The following PDE4D variants were observed in gnomAD, a reference collection of about 807,000 sequenced individuals.
PDE4D encodes 3',5'-cyclic-AMP phosphodiesterase 4D.
In PDE4D, 24 loss-of-function variants were observed where a neutral mutation model predicts 87.4. The ratio of observed to expected loss-of-function variants is 0.27; its 90% CI spans 0.20 to 0.39. The LOEUF (loss-of-function observed/expected upper bound fraction) is 0.39, where lower values mean the gene tolerates loss of function less well. Among genes scored for constraint, PDE4D ranks in the 10% least tolerant of loss-of-function variants. PDE4D has a pLI of 1.00. For missense variants in PDE4D, 714 were observed against 1,041.0 expected (o/e 0.69, Z 4.32); for synonymous variants, 384 against 383.2 (o/e 1.00, Z -0.02).
chr5:60,300,303 T>C lies in PDE4D; in HGVS notation c.-89-114616A>G, dbSNP rs143807104. 1.8e-4 allele frequency among the ~76,000 whole-genome samples: 27 copies of C among 152,334 alleles called. No individual in the cohort carries two copies. In the East Asian group the frequency reaches 4.4e-3, roughly 25 times the overall value. On this transcript the variant is annotated intron_variant, in intron 1 of 16. Transcript: ENST00000502484. ...CTTGTAGACTCTGGATACTAGACTTTTGTCAGATGGACAGATTGCAAAAAT... is the reference window on the plus strand; with the variant it reads ...CTTGTAGACTCTGGATACTAGACTTCTGTCAGATGGACAGATTGCAAAAAT...
rs1472456 is a variant in PDE4D at position 58,998,561 on chromosome 5, C to T, written c.922-5096G>A. Among the ~76,000 whole-genome samples the T allele has an allele frequency of 3.3e-3, 503 of 152,254 alleles. 3 individuals carry two copies. Among genetic ancestry groups the T allele is most frequent in the Middle Eastern group, 0.017 (5 of 294 alleles). ...AGGTAAGGAATCATGACTACTTGGA[C>T]AACCAAGACTGAAATAAGTTTTCTA... On this transcript the variant is annotated intron_variant, in intron 6 of 14. Coordinates refer to ENST00000340635, the MANE Select transcript of PDE4D (RefSeq NM_001104631.2).
At chr5:59,848,475 T>C (rs1744194673) in intron 1 of PDE4D, among the ~76,000 whole-genome samples, 1 of 152,062 alleles carries the variant, frequency 6.6e-6, no homozygotes, top group Non-Finnish European at 1.5e-5. Context: ...TTTATGTAAG[T>C]TTTTGCAGCC....
intron 2 of PDE4D, among the ~76,000 whole-genome samples, chr5:60,126,814 T>C (rs539989173): frequency 7.9e-5 from 12 of 152,168 alleles, no homozygotes; most frequent in Non-Finnish European, 1.8e-4. Flanking sequence ...TGGATTCAAT[T>C]GTGTGTGAGA....
chr5:59,988,649 A>G (rs375381610), exon 3 of PDE4D: 1 of 1,599,420 alleles, frequency 6.3e-7, no homozygotes, highest in Non-Finnish European at 8.5e-7. Context: ...GTCTCCGGAC[A>G]AGATAGGGTT....
rs112652817 is a variant in PDE4D at position 59,258,298 on chromosome 5, C to T, written c.456-42330G>A. ...AGACACACACCCATACACAGACATA[C>T]ACAAACACACTGTTTAACTCGGTCC... On this transcript the variant is annotated intron_variant, in intron 1 of 14. Coordinates refer to ENST00000340635, the MANE Select transcript of PDE4D (RefSeq NM_001104631.2). Among the ~76,000 whole-genome samples, 10 of 151,920 alleles carry T rather than the reference C, an allele frequency of 6.6e-5. 3 individuals are homozygous for T. The highest frequency in any genetic ancestry group is 2.4e-4 in the African/African-American group (10 of 41,466).
At chr5:59,001,088 G>A (rs780895324) in intron 6 of PDE4D, among the ~76,000 whole-genome samples, 1 of 152,158 alleles carries the variant, frequency 6.6e-6, no homozygotes, top group Non-Finnish European at 1.5e-5. Flanking sequence ...CATTTTACGA[G>A]GAGGGTTAAA....
At chr5:59,615,868 GT>G (rs1428129892) in intron 1 of PDE4D, among the ~76,000 whole-genome samples, 1 of 152,054 alleles carries the variant, frequency 6.6e-6, no homozygotes, top group African/African-American at 2.4e-5. Context: ...GGTCTAGGCA[GT>G]TTTCTATCTA....
intron 2 of PDE4D, among the ~76,000 whole-genome samples, chr5:60,038,535 G>C (rs1477692704): frequency 1.3e-5 from 2 of 152,006 alleles, no homozygotes; most frequent in Admixed American, 1.3e-4. Flanking sequence ...TAGCCTTGTA[G>C]TATAGTTTGA....
At chr5:60,495,601 A>G (rs1749770039) in intron 1 of PDE4D, among the ~76,000 whole-genome samples, 1 of 152,252 alleles carries the variant, frequency 6.6e-6, no homozygotes, top group Non-Finnish European at 1.5e-5. Flanking sequence ...ATTACCAATC[A>G]GAATCAATCC....
rs1006548439 is a variant in PDE4D, at chr5:60,497,086, A to G, written n.70+24965T>C. ...ACATACTACATAAATGTATTTTTAC[A>G]TTTGTATAGTTGTCTTCTTAGGATA... On this transcript the variant is annotated intron_variant and non_coding_transcript_variant, in intron 1 of 2. Transcript: ENST00000506510. 3.3e-5 allele frequency among the ~76,000 whole-genome samples: 5 copies of G among 152,338 alleles called. No homozygotes were observed. In the South Asian group the frequency reaches 1.0e-3, roughly 32 times the overall value.
intron 1 of PDE4D, among the ~76,000 whole-genome samples, chr5:59,673,358 T>C (rs142977564): frequency 4.8e-4 from 73 of 152,296 alleles, no homozygotes; most frequent in Non-Finnish European, 9.0e-4. Context: ...TTGTTACTAG[T>C]ATGTTTTTGG....
intron 3 of PDE4D, among the ~76,000 whole-genome samples, chr5:59,979,663 T>A (rs1761715195): frequency 6.6e-6 from 1 of 152,140 alleles, no homozygotes; most frequent in African/African-American, 2.4e-5. Context: ...CATAACTAAA[T>A]AGCATTTATT....
At chr5:59,049,986 G>A (rs529235560) in intron 5 of PDE4D, among the ~76,000 whole-genome samples, 6 of 152,274 alleles carry the variant, frequency 3.9e-5, no homozygotes, top group East Asian at 1.9e-4. Context: ...ACACACAGCC[G>A]GGCATGGTGG....
intron 5 of PDE4D, among the ~76,000 whole-genome samples, chr5:59,054,732 T>C (rs896020083): frequency 1.3e-5 from 2 of 152,148 alleles, no homozygotes; most frequent in Non-Finnish European, 2.9e-5. Flanking sequence ...ATCCTTACTA[T>C]GTATGATTCA....
chr5:60,462,560 T>C (rs192283864), intron 1 of PDE4D, among the ~76,000 whole-genome samples: 2 of 152,304 alleles, frequency 1.3e-5, no homozygotes, highest in East Asian at 3.9e-4. Context: ...CTCTGTTTCC[T>C]ATCCTCACGG....
At chr5:59,466,800 A>C (rs1441587529) in intron 1 of PDE4D, among the ~76,000 whole-genome samples, 1 of 152,204 alleles carries the variant, frequency 6.6e-6, no homozygotes, top group South Asian at 2.1e-4. Context: ...AGATAGAACC[A>C]ATATACATGG....
chr5:60,316,093 A>T (rs1398677367), intron 1 of PDE4D, among the ~76,000 whole-genome samples: 1 of 152,142 alleles, frequency 6.6e-6, no homozygotes, highest in Non-Finnish European at 1.5e-5. Context: ...GGCCATTTTC[A>T]TGATACTGAT....
At chr5:59,016,441 C>A (rs1007569054) in intron 6 of PDE4D, among the ~76,000 whole-genome samples, 3 of 138,404 alleles carry the variant, frequency 2.2e-5, no homozygotes, top group African/African-American at 8.1e-5. Context: ...TGCTGCCTCA[C>A]GGTCAGTATC....
intron 1 of PDE4D, among the ~76,000 whole-genome samples, chr5:60,474,106 A>ATATATATATATGTG (rs70975389): frequency 0.24 from 2,980 of 12,516 alleles, 213 homozygotes; most frequent in East Asian, 0.42. Context: ...TTGAGCTGCC[A>ATATATATATATGTG]TATATATATA....
Sources: gnomAD v4.1 joint callset for allele counts (sites outside exome capture counted in the v4.1 genomes callset) on GRCh38, gnomAD v4.1.1 for gene constraint, MANE v1.5 for transcripts, NCBI Gene and HGNC (gene_info 2026-07-23, HGNC 2026-07-21) for gene names.